HDAC4: variants seen among roughly 807,000 people sequenced by gnomAD.
HDAC4 encodes histone deacetylase 4, also known as histone deacetylase A.
HDAC4 carries 16 observed loss-of-function variants against 135.1 expected under a neutral mutation model. The observed-to-expected ratio is 0.12, with a 90% CI of 0.08 to 0.18. HDAC4 has a LOEUF of 0.18. Ranked by LOEUF, HDAC4 falls within the 10% of genes least tolerant of loss-of-function variation. The probability of loss-of-function intolerance (pLI) is 1.00; values close to 1 mark genes in which losing one functional copy is unlikely to be tolerated. For synonymous variants in HDAC4, 685 were observed against 653.4 expected (o/e 1.05, Z -0.74); for missense variants, 1,143 against 1,511.8 (o/e 0.76, Z 4.05).
At chr2:239,246,167 C>G (rs529240833) in intron 2 of HDAC4, among the ~76,000 whole-genome samples, 1 of 152,142 alleles carries the variant, frequency 6.6e-6, no homozygotes, top group Non-Finnish European at 1.5e-5. Flanking sequence ...AAACTGAGCC[C>G]GCTGGACACG....
intron 2 of HDAC4, among the ~76,000 whole-genome samples, chr2:239,290,858 C>T (rs762983234): frequency 1.3e-5 from 2 of 152,248 alleles, no homozygotes; most frequent in Non-Finnish European, 2.9e-5. Flanking sequence ...ATGTGAAAGG[C>T]AGCCTCCAGG....
chr2:239,301,097 T>A (rs1482652574), intron 2 of HDAC4, among the ~76,000 whole-genome samples: 1 of 152,156 alleles, frequency 6.6e-6, no homozygotes, highest in East Asian at 1.9e-4. Context: ...GAGCAAGGCC[T>A]TCCTGCAGCA....
chr2:239,397,036 C>T (rs1045131234), intron 1 of HDAC4, among the ~76,000 whole-genome samples: 1 of 152,254 alleles, frequency 6.6e-6, no homozygotes, highest in African/African-American at 2.4e-5. Flanking sequence ...CTGCCCAGAC[C>T]TATGAAACGC....
At chr2:239,334,428 C>T (rs985267829) in intron 2 of HDAC4, among the ~76,000 whole-genome samples, 3 of 151,714 alleles carry the variant, frequency 2.0e-5, no homozygotes, top group African/African-American at 7.3e-5. Flanking sequence ...GGCTAAGGCA[C>T]GAGAACTGCT....
At chr2:239,364,623 A>T (rs576598839) in intron 1 of HDAC4, among the ~76,000 whole-genome samples, 7 of 152,346 alleles carry the variant, frequency 4.6e-5, no homozygotes, top group African/African-American at 1.7e-4. Context: ...ACTTGCAGAA[A>T]GTCAGCACCC....
intron 3 of HDAC4, among the ~76,000 whole-genome samples, chr2:239,201,433 C>T (rs1197507634): frequency 6.6e-6 from 1 of 152,196 alleles, no homozygotes; most frequent in African/African-American, 2.4e-5. Flanking sequence ...GGGGGCCTGC[C>T]CGACCCCTCG....
At chr2:239,286,600 G>T (rs914309259) in intron 2 of HDAC4, among the ~76,000 whole-genome samples, 1 of 152,158 alleles carries the variant, frequency 6.6e-6, no homozygotes, top group Non-Finnish European at 1.5e-5. Flanking sequence ...TTCCAGGACT[G>T]ATAAAACACA....
chr2:239,142,065 CAG>C (rs1559502927), intron 8 of HDAC4, among the ~76,000 whole-genome samples: 1 of 151,856 alleles, frequency 6.6e-6, no homozygotes, highest in Non-Finnish European at 1.5e-5. Context: ...GGAAGGCGTG[CAG>C]AGTGAGAGAA....
At chr2:239,177,026 C>T (rs1395492274) in intron 4 of HDAC4, among the ~76,000 whole-genome samples, 1 of 152,164 alleles carries the variant, frequency 6.6e-6, no homozygotes, top group African/African-American at 2.4e-5. Context: ...AAAGCCTGTA[C>T]AAGAATGTGC....
At chr2:239,311,123 G>C (rs1254102084) in intron 2 of HDAC4, among the ~76,000 whole-genome samples, 1 of 152,176 alleles carries the variant, frequency 6.6e-6, no homozygotes, top group Non-Finnish European at 1.5e-5. Flanking sequence ...AGCTTTTGTG[G>C]GGTCAAGCAG....
Position 239,307,196 on chromosome 2 carries a change from CACAAA to C in HDAC4, c.22+45477_22+45481del. Among the ~76,000 whole-genome samples the C allele has an allele frequency of 6.6e-6, 1 of 152,138 alleles. No homozygotes were observed. Among genetic ancestry groups the C allele is most frequent in the Non-Finnish European group, 1.5e-5 (1 of 68,024 alleles). On this transcript the variant is annotated intron_variant, in intron 2 of 26. Coordinates refer to ENST00000543185, the MANE Select transcript of HDAC4 (RefSeq NM_001378414.1). This position sits in a 1 kb window ranked among gnomAD's most constrained non-coding sequence, Gnocchi z 4.8. Reference sequence around the variant, plus strand: ...CAGGGAGGGAGAAGAGAGCCCTGGGCACAAAGCCCAGGGCCTGGGGCAGGCTCCGT... The same window carrying C: ...CAGGGAGGGAGAAGAGAGCCCTGGGCGCCCAGGGCCTGGGGCAGGCTCCGT...
chr2:239,354,286 C>A (rs777499362), intron 1 of HDAC4, among the ~76,000 whole-genome samples: 1 of 152,180 alleles, frequency 6.6e-6, no homozygotes, highest in Non-Finnish European at 1.5e-5. Context: ...ACAGCTGCCC[C>A]GCCCCACTTC....
At position 239,331,238 on chromosome 2, in the gene HDAC4, G is replaced by T. The variant is rs776607272; in HGVS notation, c.22+21440C>A. On this transcript the variant is annotated intron_variant, in intron 2 of 26. Transcript: ENST00000543185. This position sits in a 1 kb window ranked among gnomAD's most constrained non-coding sequence, Gnocchi z 4.5. Reference sequence around the variant, plus strand: ...CACATGATTCCTAAAGCTAAATCTGGAATGAATTCTTCCTTCATATTCGAG... The same window carrying T: ...CACATGATTCCTAAAGCTAAATCTGTAATGAATTCTTCCTTCATATTCGAG... Among the ~76,000 whole-genome samples, 6 of 152,048 alleles carry T rather than the reference G, an allele frequency of 3.9e-5. No individual in the cohort carries two copies. Among genetic ancestry groups the T allele is most frequent in the Non-Finnish European group, 7.4e-5 (5 of 68,014 alleles).
rs1230846530 is a variant in HDAC4, at chr2:239,144,566, C to T, written c.865+17G>A. 4 of 1,613,114 alleles carry T rather than the reference C, an allele frequency of 2.5e-6. No homozygotes were observed. The highest frequency in any genetic ancestry group is 1.1e-5 in the South Asian group (1 of 91,036). Reference sequence around the variant, plus strand: ...AGAGAGGGCAGCGGGGCGGGTGTACCTGCTCAGCCGACATACCTGTGACAT... The same window carrying T: ...AGAGAGGGCAGCGGGGCGGGTGTACTTGCTCAGCCGACATACCTGTGACAT... On this transcript the variant is annotated intron_variant, in intron 8 of 26. Coordinates refer to ENST00000543185, the MANE Select transcript of HDAC4 (RefSeq NM_001378414.1).
intron 1 of HDAC4, among the ~76,000 whole-genome samples, chr2:239,354,913 G>A (rs899711327): frequency 6.6e-6 from 1 of 151,890 alleles, no homozygotes; most frequent in African/African-American, 2.4e-5. Flanking sequence ...ATCTCAGCTG[G>A]GTATAAAAAT....
chr2:239,270,333 A>G lies in HDAC4; in HGVS notation c.23-33669T>C, dbSNP rs114257286. Among the ~76,000 whole-genome samples, 822 of 152,328 alleles carry G rather than the reference A, an allele frequency of 5.4e-3. 6 individuals carry two copies. The highest frequency in any genetic ancestry group is 0.019 in the African/African-American group (780 of 41,566). On this transcript the variant is annotated intron_variant, in intron 2 of 26. Transcript: ENST00000543185. ...GCCGAAAGAACTCGCTGTGGCCTCA[A>G]TGGGATGCTCATTAGCTGCCCCCCG...
At chr2:239,311,108 C>T (rs2052854220) in intron 2 of HDAC4, among the ~76,000 whole-genome samples, 1 of 152,208 alleles carries the variant, frequency 6.6e-6, no homozygotes, top group African/African-American at 2.4e-5. Flanking sequence ...CCTAAAAGGC[C>T]TGTGAGCTTT....
intron 6 of HDAC4, among the ~76,000 whole-genome samples, chr2:239,157,850 T>G (rs546075105): frequency 9.9e-4 from 151 of 152,236 alleles, no homozygotes; most frequent in Admixed American, 3.7e-3. Flanking sequence ...AGGGAACTCA[T>G]AGACAAAATT....
At chr2:239,316,142 T>C (rs543439465) in intron 2 of HDAC4, among the ~76,000 whole-genome samples, 109 of 152,286 alleles carry the variant, frequency 7.2e-4, no homozygotes, top group African/African-American at 2.6e-3. Flanking sequence ...AAGTAAGTAA[T>C]ACACTCCACT....
Sources: gnomAD v4.1 joint callset for allele counts (sites outside exome capture counted in the v4.1 genomes callset) on GRCh38, gnomAD v4.1.1 for gene constraint, Gnocchi (gnomAD v3.1) non-coding constraint, MANE v1.5 for transcripts, NCBI Gene and HGNC (gene_info 2026-07-23, HGNC 2026-07-21) for gene names.